Variants in BNC2 observed in about 807,000 individuals in gnomAD.
BNC2 encodes the protein zinc finger protein basonuclin-2.
A neutral mutation model predicts 76.3 loss-of-function variants in BNC2; 20 were observed. The ratio of observed to expected loss-of-function variants is 0.26; its 90% confidence interval spans 0.18 to 0.38. The LOEUF is 0.38. Ranked by LOEUF, BNC2 falls within the 10% of genes least tolerant of loss-of-function variation. The pLI, the probability that BNC2 is intolerant of heterozygous loss-of-function variation, is 1.00. For missense variants in BNC2, 1,382 were observed against 1,399.8 expected (o/e 0.99, Z 0.20); for synonymous variants, 582 against 514.8 (o/e 1.13, Z -1.77).
intron 1 of BNC2, among the ~76,000 whole-genome samples, chr9:16,766,540 G>C (rs1825700614): frequency 6.6e-6 from 1 of 152,102 alleles, no homozygotes; most frequent in South Asian, 2.1e-4. Flanking sequence ...CCCTCCAGCT[G>C]CAATCTAAGT....
chr9:16,501,741 G>C (rs1425399611), intron 5 of BNC2, among the ~76,000 whole-genome samples: 2 of 152,244 alleles, frequency 1.3e-5, no homozygotes, highest in Admixed American at 1.3e-4. Context: ...ATCCCATTAG[G>C]GGCTGGATGA....
At chr9:16,820,251 C>A (rs1240789637) in intron 1 of BNC2, among the ~76,000 whole-genome samples, 1 of 150,558 alleles carries the variant, frequency 6.6e-6, no homozygotes, top group South Asian at 2.1e-4. Flanking sequence ...CATGGTGAAA[C>A]CCCGTCTCTA....
chr9:16,636,092 G>T (rs1821317029), intron 3 of BNC2, among the ~76,000 whole-genome samples: 1 of 152,120 alleles, frequency 6.6e-6, no homozygotes, highest in African/African-American at 2.4e-5. Flanking sequence ...ATGTTCCTTG[G>T]ACTACTCCAG....
chr9:16,595,327 G>A (rs913302147), intron 3 of BNC2, among the ~76,000 whole-genome samples: 1 of 152,068 alleles, frequency 6.6e-6, no homozygotes. Context: ...TATCAGCAAA[G>A]GAATCATACC....
intron 3 of BNC2, among the ~76,000 whole-genome samples, chr9:16,636,523 G>C (rs1475153055): frequency 6.6e-6 from 1 of 151,972 alleles, no homozygotes; most frequent in Non-Finnish European, 1.5e-5. Context: ...GGGTGGTCTT[G>C]AACTCCTGAG....
At chr9:16,750,523 G>A (rs1825158189) in intron 1 of BNC2, among the ~76,000 whole-genome samples, 1 of 152,176 alleles carries the variant, frequency 6.6e-6, no homozygotes, top group African/African-American at 2.4e-5. Flanking sequence ...CATCTATCCT[G>A]TCAGATGCGA....
chr9:16,680,631 A>G (rs996311060), intron 3 of BNC2, among the ~76,000 whole-genome samples: 44 of 152,138 alleles, frequency 2.9e-4, no homozygotes, highest in Middle Eastern at 3.4e-3. Flanking sequence ...CATTTGCCAA[A>G]AAGTGTAAAA....
chr9:16,692,710 G>A (rs1823210237), intron 3 of BNC2, among the ~76,000 whole-genome samples: 1 of 152,136 alleles, frequency 6.6e-6, no homozygotes, highest in African/African-American at 2.4e-5. Context: ...AAAAGAGACA[G>A]AGTCACTTGG....
At chr9:16,590,246 G>A (rs1288030729) in intron 3 of BNC2, among the ~76,000 whole-genome samples, 1 of 152,052 alleles carries the variant, frequency 6.6e-6, no homozygotes, top group Non-Finnish European at 1.5e-5. Flanking sequence ...AGGCTAGAGT[G>A]CAATGGCACA....
chr9:16,436,577 C>G lies in BNC2; in HGVS notation c.1617G>C (p.Met539Ile). Residue 539 changes from methionine (M) to isoleucine (I), a missense_variant, in exon 6 of 7, where the codon ATG becomes ATC. By Grantham distance (10) the Met-to-Ile change is conservative. This residue lies in a region of BNC2 where 798 missense variants were observed against 775.5 expected (regional missense o/e 1.03). Coordinates refer to ENST00000380672, the MANE Select transcript of BNC2 (RefSeq NM_017637.6). ...GGTCTAGAGGGGGAGTGGTAAAACC[C>G]ATTGGGGGTCGGCCAGGGCTTGTGA... ...LALTSPGRPP[M>I]GFTTPPLDPV... The G allele has an allele frequency of 6.2e-7, 1 of 1,614,018 alleles. No individual in the cohort carries two copies. Among genetic ancestry groups the G allele is most frequent in the East Asian group, 2.2e-5 (1 of 44,864 alleles).
intron 5 of BNC2, among the ~76,000 whole-genome samples, chr9:16,489,979 C>A (rs1430537321): frequency 6.6e-6 from 1 of 152,072 alleles, no homozygotes; most frequent in African/African-American, 2.4e-5. Flanking sequence ...TTTCTCCTTC[C>A]CTCAAAAAAT....
intron 1 of BNC2, chr9:16,775,626 G>A (rs1010234551): frequency 2.7e-5 from 5 of 188,402 alleles, no homozygotes; most frequent in Non-Finnish European, 6.0e-5. Flanking sequence ...TGATCCCAGT[G>A]GGCCTGAACT....
chr9:16,701,938 CAAAAAAAAAA>C (rs5896700), intron 3 of BNC2, among the ~76,000 whole-genome samples: 1 of 91,546 alleles, frequency 1.1e-5, no homozygotes, highest in Non-Finnish European at 1.9e-5. Context: ...CGAGACTCTC[CAAAAAAAAAA>C]AAAAAAAAAG....
At chr9:16,553,368 G>A (rs561097471) in intron 4 of BNC2, among the ~76,000 whole-genome samples, 1 of 152,298 alleles carries the variant, frequency 6.6e-6, no homozygotes, top group East Asian at 1.9e-4. Flanking sequence ...ATTAGCTATA[G>A]GGGGTTATCC....
intron 6 of BNC2, chr9:16,434,937 C>G (rs916607368): frequency 1.1e-5 from 5 of 469,844 alleles, no homozygotes; most frequent in African/African-American, 8.0e-5. Flanking sequence ...TCAACAATTA[C>G]ATCTATCCCA....
chr9:16,432,421 T>A (rs75712290), intron 6 of BNC2, among the ~76,000 whole-genome samples: 3,309 of 152,340 alleles, frequency 0.022, 121 homozygotes, highest in East Asian at 0.15. Context: ...CTATTTAACA[T>A]CTTTCTGCTT....
At chr9:16,857,782 T>C (rs533872511) in intron 1 of BNC2, among the ~76,000 whole-genome samples, 1 of 152,196 alleles carries the variant, frequency 6.6e-6, no homozygotes, top group Non-Finnish European at 1.5e-5. Flanking sequence ...TCCATCAGAA[T>C]ACTAGAAAAG....
At chr9:16,431,018 T>C (rs1429416335) in intron 6 of BNC2, among the ~76,000 whole-genome samples, 1 of 152,186 alleles carries the variant, frequency 6.6e-6, no homozygotes, top group Non-Finnish European at 1.5e-5. Context: ...CAGATGAAAT[T>C]TAAGACAAAC....
intron 5 of BNC2, among the ~76,000 whole-genome samples, chr9:16,539,908 A>G (rs1288002951): frequency 1.3e-5 from 2 of 151,946 alleles, no homozygotes; most frequent in African/African-American, 4.8e-5. Flanking sequence ...TGGAATTTTG[A>G]AAAGGAATAG....
Sources: allele counts gnomAD v4.1 joint callset (sites outside exome capture counted in the v4.1 genomes callset), GRCh38; gene constraint gnomAD v4.1.1; regional missense constraint gnomAD v4.1.1; transcripts MANE v1.5; gene names NCBI Gene and HGNC (gene_info 2026-07-23, HGNC 2026-07-21).